Variants in WWOX observed in about 807,000 individuals in gnomAD.
The protein encoded by WWOX is WW domain-containing oxidoreductase.
Under a neutral mutation model 46.2 loss-of-function variants are expected in WWOX, and 69 were observed. That is an observed-to-expected ratio of 1.49 (90% CI 1.23 to 1.82). The LOEUF (loss-of-function observed/expected upper bound fraction) is 1.82, where lower values mean the gene tolerates loss of function less well. WWOX is among the 40% of genes most tolerant of loss of function. WWOX has a pLI of 0.00. For synonymous variants in WWOX, 359 were observed against 202.6 expected, an observed-to-expected ratio of 1.77 and a Z score of -6.56; for missense variants, 919 against 542.6, an observed-to-expected ratio of 1.69 and a Z score of -6.89.
intron 5 of WWOX, among the ~76,000 whole-genome samples, chr16:78,365,913 T>C (rs914242997): frequency 6.6e-6 from 1 of 152,182 alleles, no homozygotes; most frequent in Admixed American, 6.5e-5. Context: ...TTGGTTTGGG[T>C]TTCTGAAGTA....
At chr16:78,211,704 G>A (rs1053089378) in intron 5 of WWOX, among the ~76,000 whole-genome samples, 4 of 152,244 alleles carry the variant, frequency 2.6e-5, no homozygotes, top group Non-Finnish European at 4.4e-5. Flanking sequence ...GAAGAGTTCA[G>A]GGTGAGAATG....
At chr16:78,971,209 C>G (rs1482937639) in intron 8 of WWOX, among the ~76,000 whole-genome samples, 2 of 151,834 alleles carry the variant, frequency 1.3e-5, no homozygotes, top group East Asian at 1.9e-4. Context: ...ACCTGTAATC[C>G]CAGCACTTTG....
chr16:78,356,840 C>T (rs534739811), intron 5 of WWOX, among the ~76,000 whole-genome samples: 2 of 152,094 alleles, frequency 1.3e-5, no homozygotes, highest in Non-Finnish European at 2.9e-5. Flanking sequence ...TGAGATGGCA[C>T]CATTGCACTC....
At chr16:78,405,573 C>T (rs896405526) in intron 6 of WWOX, among the ~76,000 whole-genome samples, 1 of 152,084 alleles carries the variant, frequency 6.6e-6, no homozygotes, top group Non-Finnish European at 1.5e-5. Flanking sequence ...TGAGTAAGGG[C>T]AACAGAAACA....
At chr16:78,605,610 A>C (rs949728976) in intron 8 of WWOX, among the ~76,000 whole-genome samples, 1 of 152,218 alleles carries the variant, frequency 6.6e-6, no homozygotes, top group East Asian at 1.9e-4. Context: ...CCTAATTAAC[A>C]ACCCAAATGT....
intron 8 of WWOX, among the ~76,000 whole-genome samples, chr16:78,724,522 C>T (rs915346882): frequency 5.3e-5 from 8 of 152,042 alleles, no homozygotes; most frequent in Admixed American, 1.3e-4. Context: ...AGTTCTTTAT[C>T]GACATTATTA....
chr16:78,971,977 C>A (rs1048619475), intron 8 of WWOX, among the ~76,000 whole-genome samples: 1 of 152,156 alleles, frequency 6.6e-6, no homozygotes, highest in Non-Finnish European at 1.5e-5. Flanking sequence ...GAGCTCTTCC[C>A]AGGCCGAGGT....
At chr16:78,278,286 G>T (rs1193339906) in intron 5 of WWOX, among the ~76,000 whole-genome samples, 1 of 152,120 alleles carries the variant, frequency 6.6e-6, no homozygotes, top group African/African-American at 2.4e-5. Context: ...TTGCCGCAAG[G>T]GTACTTCTCT....
At chr16:78,577,178 C>G (rs1323550376) in intron 8 of WWOX, among the ~76,000 whole-genome samples, 2 of 152,138 alleles carry the variant, frequency 1.3e-5, no homozygotes, top group Non-Finnish European at 2.9e-5. Flanking sequence ...CTTTGATTGG[C>G]TAAAGTCAGT....
At chr16:78,960,589 GA>G (rs2046253596) in intron 8 of WWOX, among the ~76,000 whole-genome samples, 1 of 152,200 alleles carries the variant, frequency 6.6e-6, no homozygotes, top group Non-Finnish European at 1.5e-5. Context: ...GTCAGGCATG[GA>G]ACAGATCCAT....
chr16:78,636,322 A>T (rs534113039), intron 8 of WWOX, among the ~76,000 whole-genome samples: 2 of 152,046 alleles, frequency 1.3e-5, no homozygotes, highest in African/African-American at 4.8e-5. Context: ...ACAGCCAAAG[A>T]CCCCCACCTT....
intron 8 of WWOX, among the ~76,000 whole-genome samples, chr16:78,541,931 A>C (rs1028155898): frequency 2.0e-5 from 3 of 146,864 alleles, no homozygotes; most frequent in African/African-American, 7.4e-5. Flanking sequence ...GTTTGTAAGA[A>C]TCAGTTGAGG....
chr16:78,925,179 C>G (rs940684651), intron 8 of WWOX, among the ~76,000 whole-genome samples: 2 of 152,102 alleles, frequency 1.3e-5, no homozygotes, highest in Non-Finnish European at 1.5e-5. Context: ...TGCATGAGAA[C>G]GTAAAACCCT....
At chr16:78,923,439 G>A (rs1567652034) in intron 8 of WWOX, among the ~76,000 whole-genome samples, 2 of 152,036 alleles carry the variant, frequency 1.3e-5, no homozygotes, top group Non-Finnish European at 2.9e-5. Flanking sequence ...GCTATTTTTT[G>A]AGCCTACCTT....
chr16:78,317,744 G>C (rs2080385000), intron 5 of WWOX, among the ~76,000 whole-genome samples: 1 of 152,102 alleles, frequency 6.6e-6, no homozygotes, highest in South Asian at 2.1e-4. Flanking sequence ...CCCCTTCACG[G>C]TGTCCTCACC....
intron 8 of WWOX, among the ~76,000 whole-genome samples, chr16:78,925,185 A>T (rs1275807818): frequency 1.3e-5 from 2 of 152,030 alleles, no homozygotes; most frequent in Admixed American, 6.5e-5. Flanking sequence ...AGAACGTAAA[A>T]CCCTGACTTA....
chr16:78,814,383 C>G (rs144355526), intron 8 of WWOX, among the ~76,000 whole-genome samples: 210 of 151,802 alleles, frequency 1.4e-3, no homozygotes, highest in African/African-American at 4.9e-3. Context: ...TCAAAAAATA[C>G]TATATGTTAA....
intron 8 of WWOX, among the ~76,000 whole-genome samples, chr16:78,634,592 G>A (rs1280784869): frequency 1.3e-5 from 2 of 151,844 alleles, no homozygotes; most frequent in Non-Finnish European, 2.9e-5. Flanking sequence ...TGTAATCCCA[G>A]CTATTCAGGA....
At chr16:78,160,290 G>T (rs534821034) in intron 4 of WWOX, among the ~76,000 whole-genome samples, 1 of 151,720 alleles carries the variant, frequency 6.6e-6, no homozygotes, top group African/African-American at 2.4e-5. Flanking sequence ...GCACCACCAC[G>T]CCCAACTAAT....
Sources: allele counts gnomAD v4.1 joint callset (sites outside exome capture counted in the v4.1 genomes callset), GRCh38; gene constraint gnomAD v4.1.1; transcripts MANE v1.5; gene names NCBI Gene and HGNC (gene_info 2026-07-23, HGNC 2026-07-21).